Variants in SLC24A2 observed in about 807,000 individuals in gnomAD.
SLC24A2 encodes sodium/potassium/calcium exchanger 2.
In SLC24A2, 36 loss-of-function variants were observed where a neutral mutation model predicts 62.0. The observed-to-expected ratio is 0.58, with a 90% confidence interval of 0.44 to 0.77. The LOEUF (loss-of-function observed/expected upper bound fraction) is 0.77. Ranked by LOEUF, SLC24A2 falls within the 30% of genes least tolerant of loss-of-function variation. The pLI, the probability that SLC24A2 is intolerant of heterozygous loss-of-function variation, is 0.00. For missense variants in SLC24A2, 846 were observed against 817.9 expected, an observed-to-expected ratio of 1.03 and a Z score of -0.42; for synonymous variants, 358 against 294.0, an observed-to-expected ratio of 1.22 and a Z score of -2.23.
the SLC24A2 span, among the ~76,000 whole-genome samples, chr9:20,019,483 T>C: frequency 6.6e-6 from 1 of 152,202 alleles, no homozygotes; most frequent in African/African-American, 2.4e-5. Context: ...AAAGATTAGA[T>C]GGTTGTAGAT....
the SLC24A2 span, among the ~76,000 whole-genome samples, chr9:20,127,504 TC>T: frequency 6.6e-6 from 1 of 152,162 alleles, no homozygotes; most frequent in Non-Finnish European, 1.5e-5. Context: ...AAGGATACTG[TC>T]TTCAATAAGA....
At chr9:19,953,510 G>A in the SLC24A2 span, among the ~76,000 whole-genome samples, 4 of 152,088 alleles carry the variant, frequency 2.6e-5, no homozygotes, top group African/African-American at 9.6e-5. Flanking sequence ...TACTTTTCAT[G>A]ACATAGGGCA....
At chr9:20,053,753 G>T in the SLC24A2 span, among the ~76,000 whole-genome samples, 1 of 152,130 alleles carries the variant, frequency 6.6e-6, no homozygotes, top group Non-Finnish European at 1.5e-5. Flanking sequence ...TAACAAATCT[G>T]CCAGGGCCTA....
chr9:19,674,002 T>C (rs1363238050), intron 2 of SLC24A2, among the ~76,000 whole-genome samples: 1 of 152,220 alleles, frequency 6.6e-6, no homozygotes, highest in Admixed American at 6.5e-5. Context: ...GGTTCTATTT[T>C]GGTGTATTTC....
At chr9:19,624,673 T>A (rs1817990067) in intron 2 of SLC24A2, among the ~76,000 whole-genome samples, 2 of 152,202 alleles carry the variant, frequency 1.3e-5, no homozygotes, top group African/African-American at 4.8e-5. Flanking sequence ...AAGTGTAATC[T>A]GCAGACATGA....
intron 5 of SLC24A2, among the ~76,000 whole-genome samples, chr9:19,591,914 A>G (rs145885597): frequency 2.2e-4 from 34 of 152,372 alleles, no homozygotes; most frequent in African/African-American, 7.7e-4. Flanking sequence ...CCTTTCATGC[A>G]AGGATTACAA....
At chr9:19,789,298 C>G (rs189265084), upstream of SLC24A2, among the ~76,000 whole-genome samples, 2 of 152,366 alleles carry the variant, frequency 1.3e-5, no homozygotes, top group Admixed American at 1.3e-4. Context: ...GCGCCTAATT[C>G]ACAAAGCCTG....
rs544260818 is a variant in SLC24A2, at chr9:19,572,200, C to T, written c.1347+1151G>A. On this transcript the variant is annotated intron_variant, in intron 7 of 10. Coordinates refer to ENST00000341998, the MANE Select transcript of SLC24A2 (RefSeq NM_020344.4). ...GCTTGAACCCAGGAGGTGGAGGTTG[C>T]AGTGAGCTGAGATTGAGTCACTGCA... 1.5e-3 allele frequency among the ~76,000 whole-genome samples: 190 copies of T among 128,922 alleles called. 1 individual carries two copies. Among genetic ancestry groups the T allele is most frequent in the Middle Eastern group, 0.012 (2 of 166 alleles). 84.6% of individuals were successfully genotyped at this position (128,922 alleles called of 152,430 possible).
chr9:20,208,293 G>C, the SLC24A2 span, among the ~76,000 whole-genome samples: 350 of 152,310 alleles, frequency 2.3e-3, 2 homozygotes, highest in East Asian at 0.03. Context: ...GCTTTACCAG[G>C]CTTGAAAACT....
At chr9:19,955,385 T>TTG in the SLC24A2 span, among the ~76,000 whole-genome samples, 1 of 151,658 alleles carries the variant, frequency 6.6e-6, no homozygotes, top group Non-Finnish European at 1.5e-5. Flanking sequence ...AGGTTTTTTT[T>TTG]TTTTTTGTTT....
chr9:19,968,260 T>G, the SLC24A2 span, among the ~76,000 whole-genome samples: 1 of 152,208 alleles, frequency 6.6e-6, no homozygotes, highest in Non-Finnish European at 1.5e-5. Flanking sequence ...GGGACCCACA[T>G]GGGCCACAGA....
Position 19,786,693 on chromosome 9 carries a change from G to T in SLC24A2, c.174C>A (p.Ala58=). ...AISTVSFSIS[A]FSETDTQSTG... is the part of the protein sequence containing the mutation. ...TGCTCTGTGTATCTGTCTCAGAAAA[G>T]GCACTGATTGAAAATGAGACAGTGC... Residue 58 remains alanine, a synonymous_variant, in exon 2 of 11, where the codon GCC becomes GCA. Transcript: ENST00000341998. This position sits in a 1 kb window ranked among gnomAD's most constrained non-coding sequence, Gnocchi z 5.0. The T allele has an allele frequency of 6.2e-7, 1 of 1,612,426 alleles. No homozygotes were observed. Among genetic ancestry groups the T allele is most frequent in the Non-Finnish European group, 8.5e-7 (1 of 1,178,980 alleles).
At chr9:20,198,476 C>G in the SLC24A2 span, among the ~76,000 whole-genome samples, 1 of 152,194 alleles carries the variant, frequency 6.6e-6, no homozygotes, top group Non-Finnish European at 1.5e-5. Context: ...TTCCCTACCC[C>G]TCCCTTTCCC....
intron 2 of SLC24A2, among the ~76,000 whole-genome samples, chr9:19,756,908 T>TTTTTC (rs1294720955): frequency 7.4e-6 from 1 of 134,600 alleles, no homozygotes; most frequent in East Asian, 2.1e-4. Flanking sequence ...TGAAGCTTTT[T>TTTTTC]TTTTTTTTTT....
chr9:19,538,604 G>T lies in SLC24A2; in HGVS notation c.1480-10466C>A, dbSNP rs1214857818. On this transcript the variant is annotated intron_variant, in intron 8 of 10. Transcript: ENST00000341998. ...TTTGATGTGCTGCTGGATTTGGTTTGCCAGTATTTTATTGAGGATTTTTGC... is the reference window on the plus strand; with the variant it reads ...TTTGATGTGCTGCTGGATTTGGTTTTCCAGTATTTTATTGAGGATTTTTGC... Among the ~76,000 whole-genome samples, 4 of 61,828 alleles carry T rather than the reference G, an allele frequency of 6.5e-5. 1 individual carries two copies. The South Asian group carries it at 3.5e-3, about 55-fold the overall frequency. The allele number at this position is 61,828 out of a possible 152,430, so 40.6% of individuals were successfully genotyped here. A position where few individuals can be genotyped will look rare whatever the true frequency, so the allele number is the denominator to read the frequency against.
At chr9:19,529,166 C>G (rs1833577247) in intron 8 of SLC24A2, among the ~76,000 whole-genome samples, 1 of 152,096 alleles carries the variant, frequency 6.6e-6, no homozygotes, top group Admixed American at 6.6e-5. Flanking sequence ...GAGAAACAAT[C>G]CCACTTTTTG....
chr9:20,026,068 G>T, the SLC24A2 span, among the ~76,000 whole-genome samples: 1 of 152,098 alleles, frequency 6.6e-6, no homozygotes, highest in East Asian at 1.9e-4. Context: ...AGGTGGCATT[G>T]GTCAAATTGC....
Position 19,520,586 on chromosome 9 carries a change from T to C in SLC24A2, c.1736+308A>G, listed in dbSNP as rs575099740. 7.9e-5 allele frequency among the ~76,000 whole-genome samples: 12 copies of C among 152,242 alleles called. No individual in the cohort carries two copies. The East Asian group carries it at 1.9e-3, about 25-fold the overall frequency. On this transcript the variant is annotated intron_variant, in intron 10 of 10. Coordinates refer to ENST00000341998, the MANE Select transcript of SLC24A2 (RefSeq NM_020344.4). ...TGTGAACCTTCTTATCATGAAGCTA[T>C]CACGGTATCTCAGTTCCACTTGAAT...
intron 9 of SLC24A2, among the ~76,000 whole-genome samples, chr9:19,525,814 G>C (rs1313865407): frequency 1.4e-5 from 2 of 139,556 alleles, no homozygotes; most frequent in South Asian, 4.6e-4. Context: ...GTTGTGAAGT[G>C]ATATCTTGGA....
Sources: allele counts gnomAD v4.1 joint callset (sites outside exome capture counted in the v4.1 genomes callset), GRCh38; gene constraint gnomAD v4.1.1; non-coding constraint Gnocchi (gnomAD v3.1); transcripts MANE v1.5; gene names NCBI Gene and HGNC (gene_info 2026-07-23, HGNC 2026-07-21).